The following BUB1 variants were observed in gnomAD, a reference collection of about 807,000 sequenced individuals.
The protein encoded by BUB1 is BUB1 mitotic checkpoint serine/threonine kinase.
In BUB1, 84 loss-of-function variants were observed where a neutral mutation model predicts 135.2. The observed-to-expected ratio is 0.62, with a 90% CI of 0.52 to 0.74. The LOEUF (loss-of-function observed/expected upper bound fraction) is 0.74, where lower values mean the gene tolerates loss of function less well. Among genes scored for constraint, BUB1 ranks in the 30% least tolerant of loss-of-function variants. The pLI, the probability that BUB1 is intolerant of heterozygous loss-of-function variation, is 0.00. For synonymous variants in BUB1, 403 were observed against 434.4 expected, an observed-to-expected ratio of 0.93 and a Z score of 0.90; for missense variants, 1,162 against 1,288.3, an observed-to-expected ratio of 0.90 and a Z score of 1.50.
At chr2:110,663,984 A>G (rs1333855596) in intron 9 of BUB1, among the ~76,000 whole-genome samples, 9 of 150,026 alleles carry the variant, frequency 6.0e-5, no homozygotes, top group Non-Finnish European at 1.2e-4. Context: ...AGTTGAGACC[A>G]TGCCACTGCC....
In BUB1 at chr2:110,650,536, G is replaced by C; in HGVS notation, c.2203+10C>G. On this transcript the variant is annotated intron_variant, in intron 18 of 24. Transcript: ENST00000302759. ...GATTCAAGGGCATAACAAAGAGTGA[G>C]TGTTCGTACTTGGAGCATCAACAGT... 2 of 1,610,672 alleles carry C rather than the reference G, an allele frequency of 1.2e-6. No homozygotes were observed. Among genetic ancestry groups the C allele is most frequent in the Non-Finnish European group, 1.7e-6 (2 of 1,177,730 alleles).
chr2:110,669,418 CCA>C, intron 6 of BUB1, 33 bp downstream of exon 6: 1 of 1,449,610 alleles, frequency 6.9e-7, no homozygotes, highest in Non-Finnish European at 9.7e-7. Context: ...AATACCATTC[CCA>C]GTTTCCACAC....
chr2:110,639,394 C>CAAAAAAAAA (rs111453356), intron 24 of BUB1, among the ~76,000 whole-genome samples: 1 of 118,162 alleles, frequency 8.5e-6, no homozygotes, highest in Non-Finnish European at 1.9e-5. Context: ...TTCCATAGAC[C>CAAAAAAAAA]AAAAAAAAAA....
intron 5 of BUB1, 115 bp from the exon 6 acceptor site, chr2:110,669,668 C>A: frequency 1.6e-6 from 1 of 616,756 alleles, no homozygotes; most frequent in Non-Finnish European, 2.8e-6. Context: ...AGTAAATCAA[C>A]TCATTCACAC....
chr2:110,649,261 T>C lies in BUB1; in HGVS notation c.2320A>G (p.Ile774Val), dbSNP rs766062683. 13 of 1,611,548 alleles carry C rather than the reference T, an allele frequency of 8.1e-6. No individual in the cohort carries two copies. The highest frequency in any genetic ancestry group is 1.0e-5 in the Non-Finnish European group (12 of 1,179,028). ...TFEWQCKLPA[I>V]KPKTEFQLGS... ...AATTGAAATTCAGTCTTGGGCTTGA[T>C]GGCTGGAAGTTTACATTGCCATTCA... is the stretch of plus-strand genomic sequence containing the variant. Residue 774 changes from isoleucine (I) to valine (V), a missense_variant, in exon 19 of 25, where the codon ATC becomes GTC. Coordinates refer to ENST00000302759, the MANE Select transcript of BUB1 (RefSeq NM_004336.5).
In BUB1 at chr2:110,657,624, G is replaced by A; in HGVS notation, c.1538C>T (p.Ala513Val). Reference sequence around the variant, plus strand: ...AGAGATGATCTTATTGACTCCCCAAGCCCCAGATGACCTTACATTTTCTGC... The same window carrying A: ...AGAGATGATCTTATTGACTCCCCAAACCCCAGATGACCTTACATTTTCTGC... ...QFQKNVRSSG[A>V]WGVNKIISSL... The change falls in exon 14 of 25, where the codon GCT becomes GTT. Residue 513 changes from alanine (A) to valine (V), a missense_variant. Coordinates refer to ENST00000302759, the MANE Select transcript of BUB1 (RefSeq NM_004336.5). 1.9e-6 allele frequency: 3 copies of A among 1,594,326 alleles called. No individual in the cohort carries two copies. Among genetic ancestry groups the A allele is most frequent in the Non-Finnish European group, 2.6e-6 (3 of 1,169,652 alleles).
At chr2:110,642,328 G>C in intron 19 of BUB1, 94 bp from the exon 20 acceptor site, 1 of 753,294 alleles carries the variant, frequency 1.3e-6, no homozygotes, top group Non-Finnish European at 2.1e-6. Flanking sequence ...AGAGTTTTCT[G>C]TATACTTCGC....
chr2:110,674,253 C>T (rs1690511430), intron 2 of BUB1, 29 bp from the exon 3 acceptor site: 2 of 1,612,188 alleles, frequency 1.2e-6, no homozygotes, highest in South Asian at 2.2e-5. Context: ...TGTTAATTTT[C>T]CATGGGGCAG....
intron 15 of BUB1, among the ~76,000 whole-genome samples, chr2:110,656,183 G>T (rs1245347036): frequency 6.6e-6 from 1 of 152,136 alleles, no homozygotes; most frequent in Non-Finnish European, 1.5e-5. Context: ...ATTTACAGAA[G>T]AGTTACAAAG....
chr2:110,673,843 C>T (rs372054933), intron 3 of BUB1, among the ~76,000 whole-genome samples: 7 of 152,190 alleles, frequency 4.6e-5, no homozygotes, highest in African/African-American at 1.7e-4. Flanking sequence ...AAGTGATCGA[C>T]CTGCCTTGGC....
At chr2:110,641,506 G>T (rs753527988) in intron 21 of BUB1, 42 bp from the exon 22 acceptor site, 1 of 1,572,936 alleles carries the variant, frequency 6.4e-7, no homozygotes. Flanking sequence ...AGTTGCACAA[G>T]ATTAATAAAA....
intron 5 of BUB1, 83 bp from the exon 6 acceptor site, chr2:110,669,636 C>A: frequency 1.2e-6 from 1 of 855,232 alleles, no homozygotes; most frequent in Non-Finnish European, 1.9e-6. Flanking sequence ...TTCCCCTGAT[C>A]CTTCCAGTAG....
In BUB1 at chr2:110,641,378, C is replaced by G; in HGVS notation, c.2712G>C (p.Met904Ile). 5 of 1,614,074 alleles carry G rather than the reference C, an allele frequency of 3.1e-6. No homozygotes were observed. Among genetic ancestry groups the G allele is most frequent in the African/African-American group, 2.7e-5 (2 of 75,054 alleles). ...VISFAMRMLY[M>I]IEQVHDCEII... ...TTTCACAGTCATGCACTTGCTCAAT[C>G]ATGTAAAGCATTCTCATAGCAAAAG... Residue 904 changes from methionine (M) to isoleucine (I), a missense_variant, in exon 22 of 25, where the codon ATG (methionine) becomes ATC (isoleucine). Met to Ile is a conservative substitution (Grantham distance 10). Coordinates refer to ENST00000302759, the MANE Select transcript of BUB1 (RefSeq NM_004336.5).
Position 110,669,527 on chromosome 2 carries a change from C to T in BUB1, c.493G>A (p.Val165Ile). ...QARTSEPLHN[V>I]QVLNQMITSK... ...GTTATCATTTGATTTAAAACCTGAA[C>T]ATTATGCAGAGGTTCTGAGGTTCTA... is the stretch of plus-strand genomic sequence containing the variant. Residue 165 changes from valine (V) to isoleucine (I), a missense_variant, in exon 6 of 25, where the codon GTT becomes ATT. Transcript: ENST00000302759. 1 of 1,608,650 alleles carries T rather than the reference C, an allele frequency of 6.2e-7. No homozygotes were observed. The highest frequency in any genetic ancestry group is 8.5e-7 in the Non-Finnish European group (1 of 1,175,354).
At chr2:110,675,311 A>G (rs1026831961) in intron 1 of BUB1, 6 of 152,284 alleles carry the variant, frequency 3.9e-5, no homozygotes, top group African/African-American at 1.4e-4. Flanking sequence ...TGAGAATGTG[A>G]TGAGTTACTA....
At chr2:110,653,204 T>C (rs1001295322) in intron 17 of BUB1, among the ~76,000 whole-genome samples, 7 of 152,222 alleles carry the variant, frequency 4.6e-5, no homozygotes, top group African/African-American at 1.7e-4. Context: ...CTCTGATGTT[T>C]TCTCATCAAG....
At chr2:110,660,144 G>A in intron 10 of BUB1, 108 bp from the exon 11 acceptor site, 1 of 846,466 alleles carries the variant, frequency 1.2e-6, no homozygotes, top group Admixed American at 2.0e-5. Flanking sequence ...GGCCGAGGCG[G>A]GAGGATCACC....
chr2:110,644,058 C>CAAAAA lies in BUB1; in HGVS notation c.2348-1829_2348-1825dup, dbSNP rs58393999. Among the ~76,000 whole-genome samples, 91 of 39,664 alleles carry CAAAAA rather than the reference C, an allele frequency of 2.3e-3. 2 individuals are homozygous for CAAAAA. The highest frequency in any genetic ancestry group is 9.0e-3 in the African/African-American group (72 of 8,034). The allele number at this position is 39,664 out of a possible 152,430, so 26.0% of individuals were successfully genotyped here. Reference sequence around the variant, plus strand: ...AATAAAAACTTCCAAAACTGAAATGCAAAAAAAAAAAAAAAAAAAAAAATA... The same window carrying CAAAAA: ...AATAAAAACTTCCAAAACTGAAATGCAAAAAAAAAAAAAAAAAAAAAAAAAAAATA... On this transcript the variant is annotated intron_variant, in intron 19 of 24. Coordinates refer to ENST00000302759, the MANE Select transcript of BUB1 (RefSeq NM_004336.5).
rs1329452342 is a variant in BUB1, at chr2:110,650,534, G to A, written c.2203+12C>T. On this transcript the variant is annotated intron_variant, in intron 18 of 24. Coordinates refer to ENST00000302759, the MANE Select transcript of BUB1 (RefSeq NM_004336.5). The stretch of plus-strand genomic sequence containing the variant: ...CTGATTCAAGGGCATAACAAAGAGT[G>A]AGTGTTCGTACTTGGAGCATCAACA... The A allele has an allele frequency of 6.2e-7, 1 of 1,609,610 alleles. No individual in the cohort carries two copies. The highest frequency in any genetic ancestry group is 1.7e-5 in the Admixed American group (1 of 59,930).
Sources: allele counts gnomAD v4.1 joint callset (sites outside exome capture counted in the v4.1 genomes callset), GRCh38; gene constraint gnomAD v4.1.1; transcripts MANE v1.5; gene names NCBI Gene and HGNC (gene_info 2026-07-23, HGNC 2026-07-21).